The following NOD1 variants were observed in gnomAD, a reference collection of about 807,000 sequenced individuals.
The protein encoded by NOD1 is nucleotide-binding oligomerization domain-containing protein 1.
Under a neutral mutation model 81.2 loss-of-function variants are expected in NOD1, and 70 were observed. The ratio of observed to expected loss-of-function variants is 0.86; its 90% confidence interval spans 0.71 to 1.05. The LOEUF (loss-of-function observed/expected upper bound fraction) is 1.05, where lower values mean the gene tolerates loss of function less well. NOD1 is among the 50% of genes least tolerant of loss of function. The pLI is 0.00. For synonymous variants in NOD1, 508 were observed against 526.9 expected, an observed-to-expected ratio of 0.96 and a Z score of 0.49; for missense variants, 1,233 against 1,228.0, an observed-to-expected ratio of 1.00 and a Z score of -0.06.
chr7:30,453,934 T>TTACACTGTAAAAGC (rs1206179403), intron 5 of NOD1, among the ~76,000 whole-genome samples: 1 of 152,242 alleles, frequency 6.6e-6, no homozygotes, highest in African/African-American at 2.4e-5. Context: ...GTAGAGTGAA[T>TTACACTGTAAAAGC]TACACTGTAA....
intron 7 of NOD1, 148 bp from the exon 8 acceptor site, chr7:30,447,198 C>A: frequency 7.4e-7 from 1 of 1,357,152 alleles, no homozygotes; most frequent in Non-Finnish European, 1.0e-6. Flanking sequence ...GCTCTGAGGT[C>A]TCACAGCTCA....
rs545419778 is a variant in NOD1, at chr7:30,448,316, T to C, written c.2267A>G (p.Lys756Arg). 7.4e-6 allele frequency: 12 copies of C among 1,613,890 alleles called. No homozygotes were observed. Among genetic ancestry groups the C allele is most frequent in the African/African-American group, 5.3e-5 (4 of 75,042 alleles). ...KVLSEELTKY[K>R]IVTYLGLYNN... Reference sequence around the variant, plus strand: ...GACATACCCCAAATAGGTCACAATTTTGTATTTGGTCAGCTCTTCGCTTAG... The same window carrying C: ...GACATACCCCAAATAGGTCACAATTCTGTATTTGGTCAGCTCTTCGCTTAG... Residue 756 changes from lysine (K) to arginine (R), a missense_variant, in exon 7 of 14, where the codon AAA (lysine) becomes AGA (arginine). By Grantham distance (26) the Lys-to-Arg change is conservative (BLOSUM62 2). Coordinates refer to ENST00000222823, the MANE Select transcript of NOD1 (RefSeq NM_006092.4).
Position 30,425,630 on chromosome 7 carries a change from G to T in NOD1, c.*8C>A. 1 of 1,609,018 alleles carries T rather than the reference G, an allele frequency of 6.2e-7. No homozygotes were observed. Among genetic ancestry groups the T allele is most frequent in the Non-Finnish European group, 8.5e-7 (1 of 1,175,322 alleles). ...GGGCAAAAACCCCATGAACAGGAAAGCATCCTCTCAGAAACAGATAATCCG... is the reference window on the plus strand; with the variant it reads ...GGGCAAAAACCCCATGAACAGGAAATCATCCTCTCAGAAACAGATAATCCG... On this transcript the variant is annotated 3_prime_UTR_variant, in exon 14 of 14. Coordinates refer to ENST00000222823, the MANE Select transcript of NOD1 (RefSeq NM_006092.4).
intron 6 of NOD1, among the ~76,000 whole-genome samples, chr7:30,450,729 G>A (rs548643223): frequency 1.8e-4 from 27 of 152,258 alleles, no homozygotes; most frequent in Non-Finnish European, 3.5e-4. Context: ...AATCTTAAAA[G>A]GAAGGTTCTT....
chr7:30,471,513 A>C (rs1174204358), intron 1 of NOD1, among the ~76,000 whole-genome samples: 3 of 152,244 alleles, frequency 2.0e-5, no homozygotes, highest in Admixed American at 2.0e-4. Flanking sequence ...TGTGACCTGA[A>C]AACACCCAAT....
chr7:30,439,390 T>G (rs1784683910), intron 9 of NOD1, among the ~76,000 whole-genome samples: 1 of 137,786 alleles, frequency 7.3e-6, no homozygotes, highest in Non-Finnish European at 1.5e-5. Flanking sequence ...CGCAGGCCAG[T>G]GTGTGCGCGC....
intron 3 of NOD1, among the ~76,000 whole-genome samples, chr7:30,458,839 C>T (rs1786689675): frequency 6.6e-6 from 1 of 151,598 alleles, no homozygotes; most frequent in African/African-American, 2.4e-5. Context: ...TGAGCTCAAG[C>T]AATTCTCCTG....
At position 30,434,156 on chromosome 7, in the gene NOD1, G is replaced by C. The variant is rs1003768585; in HGVS notation, c.2622-977C>G. Among the ~76,000 whole-genome samples, 3 of 152,198 alleles carry C rather than the reference G, an allele frequency of 2.0e-5. No homozygotes were observed. In the East Asian group the frequency reaches 5.8e-4, roughly 29 times the overall value. Reference sequence around the variant, plus strand: ...ATCACCCACCAGCAGGGTGACCTCGGGCAACAGGCTTAAGTTCTTTGGGTC... The same window carrying C: ...ATCACCCACCAGCAGGGTGACCTCGCGCAACAGGCTTAAGTTCTTTGGGTC... On this transcript the variant is annotated intron_variant, in intron 11 of 13. Coordinates refer to ENST00000222823, the MANE Select transcript of NOD1 (RefSeq NM_006092.4).
intron 1 of NOD1, among the ~76,000 whole-genome samples, chr7:30,469,806 T>C (rs1388551014): frequency 6.6e-6 from 1 of 152,238 alleles, no homozygotes; most frequent in East Asian, 1.9e-4. Flanking sequence ...CAATCAAAAC[T>C]AGCATCCAAG....
chr7:30,475,906 G>A (rs1178513634), intron 1 of NOD1: 2 of 152,164 alleles, frequency 1.3e-5, no homozygotes, highest in Non-Finnish European at 2.9e-5. Context: ...TATTTGATGC[G>A]CTAAAGAGTT....
chr7:30,477,816 C>G (rs1788945186), intron 1 of NOD1, among the ~76,000 whole-genome samples: 1 of 152,036 alleles, frequency 6.6e-6, no homozygotes, highest in Non-Finnish European at 1.5e-5. Context: ...CCACCGCGCC[C>G]GGCCCTGGCT....
chr7:30,467,829 G>A lies in NOD1; in HGVS notation c.-351-7788C>T, dbSNP rs1171449217. 6.6e-6 allele frequency among the ~76,000 whole-genome samples: 1 copy of A among 152,122 alleles called. No individual in the cohort carries two copies. Among genetic ancestry groups the A allele is most frequent in the African/African-American group, 2.4e-5 (1 of 41,428 alleles). The stretch of plus-strand genomic sequence containing the variant: ...TGATTCTCCTGCCTCAGCCTCCTGA[G>A]TAGCTGGGATTACAGGCACCTGCCA... On this transcript the variant is annotated intron_variant, in intron 1 of 13. Coordinates refer to ENST00000222823, the MANE Select transcript of NOD1 (RefSeq NM_006092.4). The surrounding 1 kb of genome is among the most constrained non-coding windows in gnomAD (Gnocchi z 4.5).
rs146485628 is a variant in NOD1, at chr7:30,451,514, G to A, written c.1903C>T (p.Leu635=). 19 of 1,613,060 alleles carry A rather than the reference G, an allele frequency of 1.2e-5. No individual in the cohort carries two copies. The African/African-American group carries it at 2.5e-4, about 22-fold the overall frequency. ...AAGCTTTCGACCTGAACGCGGGGCA[G>A]GCTCTTCAGGTAGCCCCGCAGGCTG... ...FSSLRGYLKS[L]PRVQVESFNQ... is the part of the protein sequence containing the mutation. The change falls in exon 6 of 14, where the codon CTG becomes TTG. Residue 635 remains leucine (L), a synonymous_variant. Coordinates refer to ENST00000222823, the MANE Select transcript of NOD1 (RefSeq NM_006092.4). This position sits in a 1 kb window ranked among gnomAD's most constrained non-coding sequence, Gnocchi z 4.2.
chr7:30,446,383 AG>A (rs958545284), intron 8 of NOD1, 159 bp from the exon 9 acceptor site: 89 of 641,426 alleles, frequency 1.4e-4, no homozygotes, highest in Non-Finnish European at 1.9e-4. Flanking sequence ...CCTGTCAGGG[AG>A]GGAACTGAAG....
chr7:30,468,717 C>A, intron 1 of NOD1: 1 of 652,136 alleles, frequency 1.5e-6, no homozygotes, highest in Non-Finnish European at 1.9e-6. Flanking sequence ...CTCCACCAAC[C>A]CCCAACATAA....
In NOD1 at chr7:30,452,314, C is replaced by T. The variant is rs371308964; in HGVS notation, c.1103G>A (p.Arg368Gln). ...RAYARRMFPERALQDRLLSQL... is the reference protein window; with the variant it reads ...RAYARRMFPEQALQDRLLSQL... ...GCTCAGCAGGCGGTCCTGCAGGGCC[C>T]GCTCGGGGAACATCCTCCTGGCATA... The change falls in exon 6 of 14, where the codon CGG (arginine) becomes CAG (glutamine). Residue 368 changes from arginine (R) to glutamine (Q), a missense_variant. Arg to Gln is a conservative substitution (Grantham distance 43). Transcript: ENST00000222823. The T allele has an allele frequency of 7.4e-6, 12 of 1,613,274 alleles. No individual in the cohort carries two copies. Among genetic ancestry groups the T allele is most frequent in the Middle Eastern group, 1.6e-4 (1 of 6,084 alleles).
chr7:30,451,216 C>G lies in NOD1; in HGVS notation c.2201G>C (p.Arg734Thr), dbSNP rs1206319460. 1.2e-6 allele frequency: 2 copies of G among 1,612,296 alleles called. No homozygotes were observed. The change falls in exon 6 of 14, where the codon AGA becomes ACA. Residue 734 changes from arginine (R) to threonine (T), a missense_variant and splice_region_variant. Physicochemically the swap from Arg to Thr is moderately conservative, Grantham distance 71. Coordinates refer to ENST00000222823, the MANE Select transcript of NOD1 (RefSeq NM_006092.4). The surrounding 1 kb of genome is among the most constrained non-coding windows in gnomAD (Gnocchi z 4.2). ...TGCTCCCCTTGCCTGGCAGCCTCAC[C>G]TGAGAACAGTGAGGCGGCTGAAGCA... ...QPCFSRLTVL[R>T]LSVNQITDGG...
intron 9 of NOD1, 122 bp from the exon 10 acceptor site, chr7:30,437,778 C>A: frequency 1.5e-6 from 1 of 649,988 alleles, no homozygotes; most frequent in South Asian, 2.1e-5. Flanking sequence ...GTGCCCAGTC[C>A]CTGGATCTGT....
intron 4 of NOD1, 69 bp downstream of exon 4, chr7:30,456,651 CA>C: frequency 1.5e-6 from 2 of 1,374,618 alleles, no homozygotes; most frequent in Non-Finnish European, 2.1e-6. Context: ...TCACTCAGAT[CA>C]GCAGGGAGAG....
Sources: allele counts gnomAD v4.1 joint callset (sites outside exome capture counted in the v4.1 genomes callset), GRCh38; gene constraint gnomAD v4.1.1; non-coding constraint Gnocchi (gnomAD v3.1); transcripts MANE v1.5; gene names NCBI Gene and HGNC (gene_info 2026-07-23, HGNC 2026-07-21).